LAMC1: variants seen among roughly 807,000 people sequenced by gnomAD.
LAMC1 encodes the protein laminin subunit gamma-1.
In LAMC1, 38 loss-of-function variants were observed where a neutral mutation model predicts 173.6. The observed-to-expected ratio is 0.22, with a 90% CI of 0.17 to 0.29. The LOEUF (loss-of-function observed/expected upper bound fraction) is 0.29. Among genes scored for constraint, LAMC1 ranks in the 10% least tolerant of loss-of-function variants. LAMC1 has a pLI of 1.00. For missense variants in LAMC1, 1,824 were observed against 2,051.8 expected, an observed-to-expected ratio of 0.89 and a Z score of 2.14; for synonymous variants, 746 against 749.1, an observed-to-expected ratio of 1.00 and a Z score of 0.07.
At chr1:183,136,136 A>G (rs1656932188) in intron 24 of LAMC1, among the ~76,000 whole-genome samples, 1 of 152,224 alleles carries the variant, frequency 6.6e-6, no homozygotes, top group Non-Finnish European at 1.5e-5. Context: ...TGGGATGCTC[A>G]GCGCTCTGCA....
intron 1 of LAMC1, among the ~76,000 whole-genome samples, chr1:183,082,419 T>G (rs1360133711): frequency 6.6e-6 from 1 of 152,234 alleles, no homozygotes; most frequent in Non-Finnish European, 1.5e-5. Context: ...ATTGCAATGT[T>G]AAATGTATTT....
At chr1:183,043,742 T>G (rs1219619356) in intron 1 of LAMC1, among the ~76,000 whole-genome samples, 1 of 152,206 alleles carries the variant, frequency 6.6e-6, no homozygotes, top group East Asian at 1.9e-4. Flanking sequence ...CCGTTCAATT[T>G]TTGTTGTTGC....
intron 21 of LAMC1, 131 bp from the exon 22 acceptor site, chr1:183,133,275 A>G (rs776245090): frequency 1.3e-4 from 99 of 766,810 alleles, no homozygotes; most frequent in Non-Finnish European, 2.0e-4. Context: ...TGGTATTAAA[A>G]TGCAAGCATT....
At chr1:183,133,809 C>T (rs1267910769) in intron 22 of LAMC1, among the ~76,000 whole-genome samples, 1 of 151,994 alleles carries the variant, frequency 6.6e-6, no homozygotes, top group Non-Finnish European at 1.5e-5. Flanking sequence ...AGTGAGACCC[C>T]ATCTCTTAAA....
Position 183,142,578 on chromosome 1 carries a change from G to A in LAMC1, c.4618G>A (p.Gly1540Ser), listed in dbSNP as rs374006782. ...VDLNKLNEIE[G>S]TLNKAKDEMK... ...CCTGAATAAGCTAAACGAGATTGAAGGCACCCTAAACAAAGCCAAAGATGA... is the reference window on the plus strand; with the variant it reads ...CCTGAATAAGCTAAACGAGATTGAAAGCACCCTAAACAAAGCCAAAGATGA... The change falls in exon 28 of 28, where the codon GGC (glycine) becomes AGC (serine). Residue 1540 changes from glycine to serine, a missense_variant. Transcript: ENST00000258341. 64 of 1,613,928 alleles carry A rather than the reference G, an allele frequency of 4.0e-5. No homozygotes were observed. In the African/African-American group the frequency reaches 7.3e-4, roughly 18 times the overall value.
chr1:183,092,493 G>T (rs1655589509), intron 1 of LAMC1, among the ~76,000 whole-genome samples: 1 of 152,016 alleles, frequency 6.6e-6, no homozygotes, highest in African/African-American at 2.4e-5. Flanking sequence ...TTGTGGAGAT[G>T]AGGCTCAACA....
chr1:183,046,137 C>A (rs1312167806), intron 1 of LAMC1, among the ~76,000 whole-genome samples: 1 of 151,910 alleles, frequency 6.6e-6, no homozygotes, highest in South Asian at 2.1e-4. Context: ...TTTCTGTTAG[C>A]CCTTTTGAGT....
chr1:183,068,234 GT>G (rs561703501), intron 1 of LAMC1, among the ~76,000 whole-genome samples: 7 of 150,762 alleles, frequency 4.6e-5, no homozygotes, highest in East Asian at 3.9e-4. Context: ...ATTTTGTATT[GT>G]TTTTTTTTGT....
intron 1 of LAMC1, among the ~76,000 whole-genome samples, chr1:183,097,788 G>A (rs577178419): frequency 2.6e-5 from 4 of 152,312 alleles, no homozygotes; most frequent in African/African-American, 9.6e-5. Flanking sequence ...AGGATCTAGA[G>A]CAGGAAGTAT....
At chr1:183,111,880 G>C (rs10911250) in intron 4 of LAMC1, among the ~76,000 whole-genome samples, 78,465 of 151,644 alleles carry the variant, frequency 0.52, 20,978 homozygotes, top group South Asian at 0.65. Flanking sequence ...ACTAAAAATA[G>C]AAAAATTAGC....
At chr1:183,108,638 C>T (rs555129453) in intron 3 of LAMC1, among the ~76,000 whole-genome samples, 40 of 152,286 alleles carry the variant, frequency 2.6e-4, no homozygotes, top group Admixed American at 2.2e-3. Context: ...TGTAGGTTTT[C>T]CAAAACCTTG....
At chr1:183,052,555 T>C (rs565710830) in intron 1 of LAMC1, among the ~76,000 whole-genome samples, 27 of 152,152 alleles carry the variant, frequency 1.8e-4, no homozygotes, top group South Asian at 1.5e-3. Context: ...GCTGGTCTCT[T>C]AACTCCTGAC....
chr1:183,104,481 C>T (rs766569401), intron 2 of LAMC1, among the ~76,000 whole-genome samples: 1 of 152,188 alleles, frequency 6.6e-6, no homozygotes, highest in Non-Finnish European at 1.5e-5. Context: ...TGGCTGAAGT[C>T]AACAACCACA....
At chr1:183,077,995 T>C (rs1655164306) in intron 1 of LAMC1, among the ~76,000 whole-genome samples, 1 of 151,950 alleles carries the variant, frequency 6.6e-6, no homozygotes, top group African/African-American at 2.4e-5. Flanking sequence ...TTAAAAGTTG[T>C]GTTTTGCTTT....
At chr1:183,072,993 A>C (rs1185741609) in intron 1 of LAMC1, among the ~76,000 whole-genome samples, 1 of 152,194 alleles carries the variant, frequency 6.6e-6, no homozygotes. Flanking sequence ...TATATATTAC[A>C]AATGTAATAA....
chr1:183,118,030 C>A lies in LAMC1; in HGVS notation c.1878-4C>A, dbSNP rs768708641. ...GGTTAATGTGGCCCTTTCTTTCTCT[C>A]CAGGCTCCATGAAGCAACAGATTAC... On this transcript the variant is annotated splice_polypyrimidine_tract_variant and splice_region_variant and intron_variant, in intron 10 of 27. Coordinates refer to ENST00000258341, the MANE Select transcript of LAMC1 (RefSeq NM_002293.4). 2.7e-5 allele frequency: 43 copies of A among 1,581,842 alleles called. No individual in the cohort carries two copies. The Admixed American group carries it at 2.9e-4, about 11-fold the overall frequency.
At chr1:183,130,295 A>G (rs1341814296) in intron 18 of LAMC1, 49 bp from the exon 19 acceptor site, 10 of 1,477,514 alleles carry the variant, frequency 6.8e-6, no homozygotes, top group Non-Finnish European at 9.5e-6. Flanking sequence ...GTGAGATGAT[A>G]TGATCCTCTT....
At chr1:183,131,611 G>A (rs1188105922) in intron 20 of LAMC1, among the ~76,000 whole-genome samples, 1 of 151,928 alleles carries the variant, frequency 6.6e-6, no homozygotes, top group African/African-American at 2.4e-5. Context: ...GAATACAATG[G>A]TTTGAAGACA....
intron 1 of LAMC1, among the ~76,000 whole-genome samples, chr1:183,090,472 G>C (rs1363290082): frequency 6.6e-6 from 1 of 152,212 alleles, no homozygotes; most frequent in East Asian, 1.9e-4. Flanking sequence ...GAAAAATGAA[G>C]AAGGGGGTGT....
Sources: gnomAD v4.1 joint callset for allele counts (sites outside exome capture counted in the v4.1 genomes callset) on GRCh38, gnomAD v4.1.1 for gene constraint, MANE v1.5 for transcripts, NCBI Gene and HGNC (gene_info 2026-07-23, HGNC 2026-07-21) for gene names.